Variants in DNAJB1 observed in about 807,000 individuals in gnomAD.
DNAJB1 encodes the protein dnaJ homolog subfamily B member 1.
DNAJB1 carries 14 observed loss-of-function variants against 24.0 expected under a neutral mutation model. That is an observed-to-expected ratio of 0.58 (90% confidence interval 0.39 to 0.91). DNAJB1 has a LOEUF of 0.91. Ranked by LOEUF, DNAJB1 falls within the 40% of genes least tolerant of loss-of-function variation. DNAJB1 has a pLI of 0.00. For synonymous variants in DNAJB1, 262 were observed against 174.4 expected (o/e 1.50, Z -3.96); for missense variants, 517 against 458.1 (o/e 1.13, Z -1.17).
At chr19:14,535,849 A>G (rs1038393685) in intron 1 of DNAJB1, among the ~76,000 whole-genome samples, 1 of 150,400 alleles carries the variant, frequency 6.6e-6, no homozygotes, top group Admixed American at 6.7e-5. Context: ...TCAGGCCAAG[A>G]TCCTGAGGGG....
At chr19:14,541,393 T>C (rs2073092077) in intron 1 of DNAJB1, among the ~76,000 whole-genome samples, 1 of 152,114 alleles carries the variant, frequency 6.6e-6, no homozygotes, top group Non-Finnish European at 1.5e-5. Flanking sequence ...AGATGGAAGC[T>C]GCCGAGACAA....
intron 1 of DNAJB1, 186 bp from the exon 2 acceptor site, chr19:14,517,232 T>G: frequency 1.7e-6 from 1 of 604,020 alleles, no homozygotes; most frequent in Middle Eastern, 4.1e-4. Context: ...CTACCAACAG[T>G]ATTTCCGCGT....
chr19:14,535,785 T>A (rs915253219), intron 1 of DNAJB1, among the ~76,000 whole-genome samples: 1 of 117,800 alleles, frequency 8.5e-6, no homozygotes, highest in Non-Finnish European at 1.8e-5. Flanking sequence ...AAAGGGAAAG[T>A]GGTGAGCCTT....
chr19:14,557,287 C>G (rs1452062456), intron 1 of DNAJB1, among the ~76,000 whole-genome samples: 1 of 147,980 alleles, frequency 6.8e-6, no homozygotes, highest in South Asian at 2.2e-4. Flanking sequence ...ATTACAGGCA[C>G]ACACCACCAT....
upstream of DNAJB1, among the ~76,000 whole-genome samples, chr19:14,519,270 G>A (rs1353321311): frequency 6.6e-6 from 1 of 152,212 alleles, no homozygotes; most frequent in Non-Finnish European, 1.5e-5. Flanking sequence ...TCAGGAGATT[G>A]AGGCCTGAGA....
At chr19:14,555,228 G>A (rs181324548), upstream of DNAJB1, among the ~76,000 whole-genome samples, 186 of 151,594 alleles carry the variant, frequency 1.2e-3, 2 homozygotes, top group East Asian at 0.014. Flanking sequence ...CCATAGGTGC[G>A]AGTCACCACA....
chr19:14,534,080 A>C (rs2072771509), upstream of DNAJB1: 1 of 151,644 alleles, frequency 6.6e-6, no homozygotes, highest in Non-Finnish European at 1.5e-5. Flanking sequence ...GAATACCCAG[A>C]AGCGAGCCTC....
intron 1 of DNAJB1, among the ~76,000 whole-genome samples, chr19:14,544,726 G>A (rs1420846427): frequency 6.6e-6 from 1 of 150,930 alleles, no homozygotes; most frequent in African/African-American, 2.4e-5. Context: ...TCCAACTCCT[G>A]GGTTCAAGGG....
chr19:14,529,809 G>C, upstream of DNAJB1: 6 of 1,570,644 alleles, frequency 3.8e-6, no homozygotes, highest in Non-Finnish European at 5.2e-6. Context: ...CCTGTGCCCC[G>C]AAGGAAGAGC....
chr19:14,542,608 C>T (rs562728163), intron 1 of DNAJB1, among the ~76,000 whole-genome samples: 1 of 152,044 alleles, frequency 6.6e-6, no homozygotes, highest in Non-Finnish European at 1.5e-5. Flanking sequence ...GTGATCTACA[C>T]GCTTTGGCCT....
intron 1 of DNAJB1, among the ~76,000 whole-genome samples, chr19:14,541,219 C>G (rs1412588652): frequency 1.3e-5 from 2 of 152,212 alleles, no homozygotes; most frequent in Admixed American, 6.5e-5. Context: ...TTCAAGTGAT[C>G]TCCTGCCTCA....
upstream of DNAJB1, among the ~76,000 whole-genome samples, chr19:14,522,300 A>G (rs1044749687): frequency 1.3e-5 from 2 of 151,946 alleles, no homozygotes; most frequent in Non-Finnish European, 2.9e-5. Context: ...AGCGGGCCTC[A>G]TCCAATCAGT....
chr19:14,546,107 G>A (rs1412833241), intron 1 of DNAJB1, among the ~76,000 whole-genome samples: 1 of 152,140 alleles, frequency 6.6e-6, no homozygotes, highest in East Asian at 1.9e-4. Context: ...CGTCCCTGGG[G>A]ACCAAGTCCT....
chr19:14,544,479 G>A (rs1292438912), intron 1 of DNAJB1, among the ~76,000 whole-genome samples: 1 of 152,086 alleles, frequency 6.6e-6, no homozygotes, highest in Non-Finnish European at 1.5e-5. Context: ...GAGGATGCTT[G>A]CATGATCTCG....
intron 2 of DNAJB1, among the ~76,000 whole-genome samples, chr19:14,526,977 G>C (rs1000881421): frequency 7.9e-5 from 12 of 151,888 alleles, no homozygotes; most frequent in East Asian, 1.9e-4. Context: ...GCCGAGGAGG[G>C]AGGATCACTT....
intron 1 of DNAJB1, among the ~76,000 whole-genome samples, chr19:14,549,209 GAC>G (rs2073405365): frequency 8.4e-6 from 1 of 118,384 alleles, no homozygotes; most frequent in Non-Finnish European, 1.8e-5. Context: ...CCTTTAATTG[GAC>G]TTTTTTTTTT....
At position 14,518,278 on chromosome 19, in the gene DNAJB1, G is replaced by A. The variant is rs774852640; in HGVS notation, c.72C>T (p.Tyr24=). 8 of 1,610,700 alleles carry A rather than the reference G, an allele frequency of 5.0e-6. No homozygotes were observed. The East Asian group carries it at 6.7e-5, about 14-fold the overall frequency. The change falls in exon 1 of 3, where the codon TAC becomes TAT. Residue 24 remains tyrosine, a synonymous_variant. Coordinates refer to ENST00000254322, the MANE Select transcript of DNAJB1 (RefSeq NM_006145.3). ...GASDEEIKRA[Y]RRQALRYHPD... is the part of the protein sequence containing the mutation. ...GGTGGTAGCGCAGCGCCTGGCGGCG[G>A]TAGGCCCGCTTGATCTCCTCGTCCG...
At chr19:14,518,733 CA>C (rs1427859902), upstream of DNAJB1, among the ~76,000 whole-genome samples, 2 of 152,252 alleles carry the variant, frequency 1.3e-5, no homozygotes, top group African/African-American at 4.8e-5. Flanking sequence ...CCGCCTGGGT[CA>C]GTAGGTCGGG....
At chr19:14,521,038 A>C (rs545336815), upstream of DNAJB1, among the ~76,000 whole-genome samples, 2 of 152,214 alleles carry the variant, frequency 1.3e-5, no homozygotes, top group Non-Finnish European at 2.9e-5. Context: ...ATTATGGGGA[A>C]AAACTCAGAG....
Sources: allele counts gnomAD v4.1 joint callset (sites outside exome capture counted in the v4.1 genomes callset), GRCh38; gene constraint gnomAD v4.1.1; transcripts MANE v1.5; gene names NCBI Gene and HGNC (gene_info 2026-07-23, HGNC 2026-07-21).